The following HIPK2 variants were observed in gnomAD, a reference collection of about 807,000 sequenced individuals.
HIPK2 encodes the protein homeodomain interacting protein kinase 2.
Under a neutral mutation model 113.7 loss-of-function variants are expected in HIPK2, and 27 were observed. The ratio of observed to expected loss-of-function variants is 0.24; its 90% CI spans 0.17 to 0.33. The LOEUF (loss-of-function observed/expected upper bound fraction) is 0.33, where lower values mean the gene tolerates loss of function less well. Ranked by LOEUF, HIPK2 falls within the 10% of genes least tolerant of loss-of-function variation. HIPK2 has a pLI of 1.00. For missense variants in HIPK2, 1,257 were observed against 1,588.0 expected (o/e 0.79, Z 3.54); for synonymous variants, 631 against 642.2 (o/e 0.98, Z 0.26).
chr7:139,563,664 A>G lies in HIPK2; in HGVS notation c.*9263T>C. On this transcript the variant is annotated 3_prime_UTR_variant, in exon 15 of 15. Transcript: ENST00000406875. ...AGCAACACCACCACACAAACAGGAA[A>G]GTGGGAGTATGATTAGGAGGGGTGA... The G allele has an allele frequency of 2.5e-6, 1 of 396,738 alleles. No individual in the cohort carries two copies. Among genetic ancestry groups the G allele is most frequent in the Middle Eastern group, 6.3e-4 (1 of 1,582 alleles). 24.6% of individuals were successfully genotyped at this position (396,738 alleles called of 1,614,324 possible).
chr7:139,699,162 T>C (rs1342694530), intron 2 of HIPK2, among the ~76,000 whole-genome samples: 2 of 151,852 alleles, frequency 1.3e-5, no homozygotes, highest in Non-Finnish European at 2.9e-5. Context: ...TACTGGAGAG[T>C]GGCACCCGCC....
chr7:139,657,751 T>C (rs538102564), intron 2 of HIPK2, among the ~76,000 whole-genome samples: 1 of 152,368 alleles, frequency 6.6e-6, no homozygotes, highest in South Asian at 2.1e-4. Flanking sequence ...AATTAAGCTA[T>C]AAGCTTCTTG....
chr7:139,754,812 A>G (rs1796338543), intron 1 of HIPK2, among the ~76,000 whole-genome samples: 1 of 152,150 alleles, frequency 6.6e-6, no homozygotes, highest in Non-Finnish European at 1.5e-5. Context: ...ACGATGATGG[A>G]ATTCGAAAGC....
chr7:139,574,251 T>A (rs1798413004), intron 14 of HIPK2, among the ~76,000 whole-genome samples: 1 of 152,158 alleles, frequency 6.6e-6, no homozygotes, highest in Non-Finnish European at 1.5e-5. Context: ...GGCTCATGCC[T>A]GTAGTCTCAG....
At chr7:139,696,988 G>A (rs1265686707) in intron 2 of HIPK2, among the ~76,000 whole-genome samples, 1 of 152,206 alleles carries the variant, frequency 6.6e-6, no homozygotes, top group Non-Finnish European at 1.5e-5. Context: ...GGACACACGA[G>A]GGTAGTCAGT....
At chr7:139,636,889 C>T (rs528791219) in intron 2 of HIPK2, among the ~76,000 whole-genome samples, 32 of 152,290 alleles carry the variant, frequency 2.1e-4, no homozygotes, top group Middle Eastern at 3.4e-3. Flanking sequence ...CTGGTATTGC[C>T]TCTGGAATGT....
intron 2 of HIPK2, among the ~76,000 whole-genome samples, chr7:139,712,465 G>A (rs1585408360): frequency 6.6e-6 from 1 of 152,206 alleles, no homozygotes; most frequent in Admixed American, 6.5e-5. Flanking sequence ...GTCCTGGGAC[G>A]ATAATGTGCC....
intron 1 of HIPK2, among the ~76,000 whole-genome samples, chr7:139,719,369 G>A (rs1191575380): frequency 1.3e-5 from 2 of 152,040 alleles, no homozygotes; most frequent in Non-Finnish European, 2.9e-5. Context: ...CTCCCAAAGT[G>A]CTGGTATTAC....
Position 139,569,803 on chromosome 7 carries a change from CAG to C in HIPK2, c.*3122_*3123del, listed in dbSNP as rs1554417459. The C allele has an allele frequency of 6.6e-6, 1 of 151,582 alleles. No individual in the cohort carries two copies. The highest frequency in any genetic ancestry group is 1.5e-5 in the Non-Finnish European group (1 of 67,992). 9.4% of individuals were successfully genotyped at this position (151,582 alleles called of 1,614,324 possible). On this transcript the variant is annotated 3_prime_UTR_variant, in exon 15 of 15. Coordinates refer to ENST00000406875, the MANE Select transcript of HIPK2 (RefSeq NM_022740.5). ...TCCCTCCAGTCTACTTATATACTCA[CAG>C]AGAGAATAAGTTTAAATATTAAAGA...
intron 6 of HIPK2, among the ~76,000 whole-genome samples, chr7:139,621,129 T>C (rs1800219664): frequency 6.6e-6 from 1 of 152,190 alleles, no homozygotes. Context: ...GAAACAGTAA[T>C]AATACTAATA....
At chr7:139,586,353 A>T (rs572753663) in intron 12 of HIPK2, among the ~76,000 whole-genome samples, 1 of 152,348 alleles carries the variant, frequency 6.6e-6, no homozygotes, top group South Asian at 2.1e-4. Flanking sequence ...GATACATGTA[A>T]GCCAATGTTC....
intron 2 of HIPK2, among the ~76,000 whole-genome samples, chr7:139,676,866 CT>C (rs11307517): frequency 0.5 from 72,012 of 145,168 alleles, 18,334 homozygotes; most frequent in Non-Finnish European, 0.58. Context: ...TTTTCTTTTT[CT>C]TTTTTTTTTT....
chr7:139,573,448 G>A, intron 14 of HIPK2, 51 bp from the exon 15 acceptor site: 2 of 1,549,348 alleles, frequency 1.3e-6, no homozygotes, highest in South Asian at 1.1e-5. Context: ...ACATGGGGAG[G>A]AAGGAATGGG....
At chr7:139,662,969 T>A (rs939061518) in intron 2 of HIPK2, among the ~76,000 whole-genome samples, 1 of 152,214 alleles carries the variant, frequency 6.6e-6, no homozygotes, top group Admixed American at 6.5e-5. Flanking sequence ...TTCCTGACAC[T>A]ATCCAAGTCC....
chr7:139,674,966 T>C (rs1199767480), intron 2 of HIPK2, among the ~76,000 whole-genome samples: 1 of 152,208 alleles, frequency 6.6e-6, no homozygotes, highest in African/African-American at 2.4e-5. Flanking sequence ...CGCACACTTC[T>C]GCATTTGCCT....
At chr7:139,703,731 TACAC>T (rs1794781371) in intron 2 of HIPK2, among the ~76,000 whole-genome samples, 1 of 123,652 alleles carries the variant, frequency 8.1e-6, no homozygotes, top group African/African-American at 3.2e-5. Context: ...ATATCCAACA[TACAC>T]ACCCGACACA....
At chr7:139,689,469 G>C (rs1260829225) in intron 2 of HIPK2, among the ~76,000 whole-genome samples, 1 of 152,204 alleles carries the variant, frequency 6.6e-6, no homozygotes, top group Non-Finnish European at 1.5e-5. Context: ...TTGTGAAACA[G>C]CCCAGAATTA....
intron 1 of HIPK2, among the ~76,000 whole-genome samples, chr7:139,757,771 A>C (rs57547431): frequency 0.017 from 2,649 of 152,314 alleles, 68 homozygotes; most frequent in African/African-American, 0.059. Flanking sequence ...AAAATTAGAT[A>C]GTAGTGATGG....
Position 139,631,326 on chromosome 7 carries a change from A to C in HIPK2, c.1228-42T>G. The C allele has an allele frequency of 6.3e-7, 1 of 1,576,788 alleles. No individual in the cohort carries two copies. Among genetic ancestry groups the C allele is most frequent in the Non-Finnish European group, 8.6e-7 (1 of 1,160,072 alleles). ...GAATGAGGTCAGGGCTTTTCCTGTC[A>C]CTATACATATGGTATACTAATGGCT... On this transcript the variant is annotated intron_variant, in intron 3 of 14. Coordinates refer to ENST00000406875, the MANE Select transcript of HIPK2 (RefSeq NM_022740.5). This position sits in a 1 kb window ranked among gnomAD's most constrained non-coding sequence, Gnocchi z 4.9.
Sources: gnomAD v4.1 joint callset for allele counts (sites outside exome capture counted in the v4.1 genomes callset) on GRCh38, gnomAD v4.1.1 for gene constraint, Gnocchi (gnomAD v3.1) non-coding constraint, MANE v1.5 for transcripts, NCBI Gene and HGNC (gene_info 2026-07-23, HGNC 2026-07-21) for gene names.